Variants in BANP observed in about 807,000 individuals in gnomAD.
BANP encodes the protein protein BANP.
In BANP, 11 loss-of-function variants were observed where a neutral mutation model predicts 68.1. The observed-to-expected ratio is 0.16, with a 90% CI of 0.10 to 0.27. The LOEUF (loss-of-function observed/expected upper bound fraction) is 0.27. Among genes scored for constraint, BANP ranks in the 10% least tolerant of loss-of-function variants. The pLI, the probability that BANP is intolerant of heterozygous loss-of-function variation, is 1.00. For synonymous variants in BANP, 329 were observed against 303.2 expected (o/e 1.09, Z -0.88); for missense variants, 504 against 722.7 (o/e 0.70, Z 3.47).
intron 3 of BANP, among the ~76,000 whole-genome samples, chr16:87,983,343 C>T (rs548494751): frequency 6.6e-6 from 1 of 152,292 alleles, no homozygotes; most frequent in East Asian, 1.9e-4. Context: ...GTGATTAACA[C>T]GTTTCCACGT....
In BANP at chr16:88,004,275, G is replaced by A. The variant is rs2070316972; in HGVS notation, c.363-20G>A. 7.1e-7 allele frequency: 1 copy of A among 1,411,022 alleles called. No individual in the cohort carries two copies. Among genetic ancestry groups the A allele is most frequent in the Non-Finnish European group, 9.8e-7 (1 of 1,020,468 alleles). The allele number at this position is 1,411,022 out of a possible 1,614,324, so 87.4% of individuals were successfully genotyped here. On this transcript the variant is annotated intron_variant, in intron 4 of 13. Transcript: ENST00000682872. This position sits in a 1 kb window ranked among gnomAD's most constrained non-coding sequence, Gnocchi z 7.0. ...TTGTTTTAAGGCCTTCTTTTTCTTT[G>A]TGATTCTTTTGTTCCCTAGCGTCGT...
chr16:88,023,009 A>G (rs1295357618), intron 7 of BANP, among the ~76,000 whole-genome samples: 1 of 152,190 alleles, frequency 6.6e-6, no homozygotes, highest in African/African-American at 2.4e-5. Flanking sequence ...GACACAGGAC[A>G]CGGGTGGTCA....
chr16:88,048,573 T>G (rs1469138253), intron 11 of BANP, among the ~76,000 whole-genome samples: 1 of 151,082 alleles, frequency 6.6e-6, no homozygotes, highest in African/African-American at 2.4e-5. Flanking sequence ...CACCACAGAT[T>G]AAAGAAAGGG....
At position 88,011,309 on chromosome 16, in the gene BANP, G is replaced by A. The variant is rs8053148; in HGVS notation, c.655+5044G>A. Among the ~76,000 whole-genome samples the A allele has an allele frequency of 7.9e-3, 1,189 of 151,258 alleles. 13 individuals are homozygous for A. Among genetic ancestry groups the A allele is most frequent in the African/African-American group, 0.027 (1,116 of 41,240 alleles). On this transcript the variant is annotated intron_variant, in intron 6 of 13. Transcript: ENST00000682872. Reference sequence around the variant, plus strand: ...CACCACCTCCCCCACCCTGAAAGACGCCCTTTCCATCCCTGCCCTGTGAGA... The same window carrying A: ...CACCACCTCCCCCACCCTGAAAGACACCCTTTCCATCCCTGCCCTGTGAGA...
At position 88,036,502 on chromosome 16, in the gene BANP, G is replaced by A. The variant is rs1484970043; in HGVS notation, c.1272+1108G>A. On this transcript the variant is annotated intron_variant, in intron 10 of 13. Coordinates refer to ENST00000682872, the MANE Select transcript of BANP (RefSeq NM_001386991.1). This position sits in a 1 kb window ranked among gnomAD's most constrained non-coding sequence, Gnocchi z 4.2. Reference sequence around the variant, plus strand: ...GCAAGACTGTGGACACATGCACGCCGTGGCACGTGGAGCACCAGGGACTCG... The same window carrying A: ...GCAAGACTGTGGACACATGCACGCCATGGCACGTGGAGCACCAGGGACTCG... 4.6e-5 allele frequency among the ~76,000 whole-genome samples: 7 copies of A among 152,150 alleles called. No individual in the cohort carries two copies. The highest frequency in any genetic ancestry group is 8.8e-5 in the Non-Finnish European group (6 of 68,028).
intron 4 of BANP, among the ~76,000 whole-genome samples, chr16:87,985,462 G>A (rs146623823): frequency 0.012 from 1,862 of 152,228 alleles, 64 homozygotes; most frequent in East Asian, 0.025. Context: ...GGGCTCCCAG[G>A]TCAGGTGTGC....
chr16:87,973,072 C>T (rs893041241), intron 1 of BANP, among the ~76,000 whole-genome samples: 3 of 151,998 alleles, frequency 2.0e-5, no homozygotes, highest in East Asian at 1.9e-4. Context: ...GCTGTCACCT[C>T]GTTCTGTTGT....
intron 11 of BANP, among the ~76,000 whole-genome samples, chr16:88,041,489 G>A (rs1886377649): frequency 6.6e-6 from 1 of 152,194 alleles, no homozygotes; most frequent in Admixed American, 6.5e-5. Context: ...TGCTGTCTGA[G>A]TAGAAAATAT....
intron 1 of BANP, among the ~76,000 whole-genome samples, chr16:87,969,856 T>C (rs2060796513): frequency 6.6e-6 from 1 of 152,024 alleles, no homozygotes; most frequent in Non-Finnish European, 1.5e-5. Flanking sequence ...AACTTGTTTT[T>C]CTGTGAATTC....
At chr16:88,032,042 G>C (rs1456241093) in intron 8 of BANP, among the ~76,000 whole-genome samples, 1 of 152,114 alleles carries the variant, frequency 6.6e-6, no homozygotes, top group Non-Finnish European at 1.5e-5. Context: ...GACCTGAAGT[G>C]ATCTTGCCCG....
intron 9 of BANP, among the ~76,000 whole-genome samples, chr16:88,034,264 C>T (rs2078828192): frequency 6.6e-6 from 1 of 152,200 alleles, no homozygotes; most frequent in South Asian, 2.1e-4. Context: ...AACGGCAGTT[C>T]CTCTCATCTT....
chr16:88,063,087 G>A (rs956104295), intron 11 of BANP, among the ~76,000 whole-genome samples: 7 of 152,258 alleles, frequency 4.6e-5, no homozygotes. Flanking sequence ...GCTGCGCCGT[G>A]CATGGAGGTG....
chr16:88,054,498 A>G (rs1276202677), intron 11 of BANP, among the ~76,000 whole-genome samples: 1 of 151,902 alleles, frequency 6.6e-6, no homozygotes, highest in African/African-American at 2.4e-5. Context: ...CTATCACAGC[A>G]TGACCTCTAC....
chr16:88,075,084 G>A (rs1347744812), intron 13 of BANP, among the ~76,000 whole-genome samples: 7 of 152,278 alleles, frequency 4.6e-5, no homozygotes, highest in African/African-American at 9.6e-5. Context: ...GGTAGCTCAC[G>A]CCTGTAATCC....
intron 1 of BANP, among the ~76,000 whole-genome samples, chr16:87,952,001 C>G (rs1159179808): frequency 6.9e-6 from 1 of 144,138 alleles, no homozygotes; most frequent in African/African-American, 2.6e-5. Context: ...AGCCCCATAG[C>G]CCAGGACTTG....
chr16:88,049,595 C>T (rs137871587), intron 11 of BANP, among the ~76,000 whole-genome samples: 7 of 152,228 alleles, frequency 4.6e-5, no homozygotes, highest in East Asian at 1.9e-4. Flanking sequence ...GGTGAGAGCC[C>T]GCCCCTGAGG....
intron 1 of BANP, among the ~76,000 whole-genome samples, chr16:87,953,426 C>T (rs1275261441): frequency 6.6e-6 from 1 of 152,116 alleles, no homozygotes; most frequent in African/African-American, 2.4e-5. Context: ...CCAGGCCGTA[C>T]TCGAACTCCT....
chr16:88,016,286 G>A (rs1339117721), intron 6 of BANP, among the ~76,000 whole-genome samples: 3 of 152,186 alleles, frequency 2.0e-5, no homozygotes, highest in Non-Finnish European at 4.4e-5. Flanking sequence ...ATGCTCCAGA[G>A]CCGCCTCGGC....
At chr16:88,051,147 G>A (rs944338953) in intron 11 of BANP, among the ~76,000 whole-genome samples, 2 of 152,204 alleles carry the variant, frequency 1.3e-5, no homozygotes, top group Admixed American at 6.5e-5. Flanking sequence ...GTGTAGTGGC[G>A]GGCCTCGCAG....
Sources: gnomAD v4.1 joint callset for allele counts (sites outside exome capture counted in the v4.1 genomes callset) on GRCh38, gnomAD v4.1.1 for gene constraint, Gnocchi (gnomAD v3.1) non-coding constraint, MANE v1.5 for transcripts, NCBI Gene and HGNC (gene_info 2026-07-23, HGNC 2026-07-21) for gene names.